The following PTPRM variants were observed in gnomAD, a reference collection of about 807,000 sequenced individuals.
PTPRM encodes the protein receptor-type tyrosine-protein phosphatase mu.
PTPRM carries 47 observed loss-of-function variants against 186.7 expected under a neutral mutation model. The ratio of observed to expected loss-of-function variants is 0.25; its 90% confidence interval spans 0.20 to 0.32. The LOEUF is 0.32. PTPRM is among the 10% of genes least tolerant of loss of function. PTPRM has a pLI of 1.00. For synonymous variants in PTPRM, 668 were observed against 674.9 expected, an observed-to-expected ratio of 0.99 and a Z score of 0.16; for missense variants, 1,494 against 1,865.0, an observed-to-expected ratio of 0.80 and a Z score of 3.66.
At chr18:8,376,640 C>T (rs1277064865) in intron 26 of PTPRM, 43 bp downstream of exon 26, 2 of 1,579,342 alleles carry the variant, frequency 1.3e-6, no homozygotes, top group South Asian at 1.2e-5. Flanking sequence ...GGTCCCTGGG[C>T]TCCCTCCTGC....
intron 1 of PTPRM, among the ~76,000 whole-genome samples, chr18:7,635,967 A>G (rs1347407118): frequency 6.6e-6 from 1 of 152,246 alleles, no homozygotes; most frequent in Non-Finnish European, 1.5e-5. Flanking sequence ...TTTATGTTGT[A>G]AATGACTTAT....
intron 20 of PTPRM, among the ~76,000 whole-genome samples, chr18:8,299,224 A>G (rs2095129396): frequency 6.6e-6 from 1 of 152,166 alleles, no homozygotes; most frequent in Non-Finnish European, 1.5e-5. Context: ...GTTGCTCGTC[A>G]CAGCTGGACA....
intron 2 of PTPRM, among the ~76,000 whole-genome samples, chr18:7,835,427 A>C (rs1273352386): frequency 6.6e-6 from 1 of 151,702 alleles, no homozygotes; most frequent in Non-Finnish European, 1.5e-5. Context: ...TTTTTATCCC[A>C]TTGTGGTCAG....
chr18:8,247,262 A>G (rs1415999932), intron 15 of PTPRM, among the ~76,000 whole-genome samples: 1 of 152,224 alleles, frequency 6.6e-6, no homozygotes, highest in Admixed American at 6.5e-5. Context: ...GAGGAAGAGA[A>G]GGTGCAATAA....
chr18:8,012,800 C>CTGTCTCTTAGCAAAAGGGATCATAAT (rs1234423747), intron 7 of PTPRM, among the ~76,000 whole-genome samples: 1 of 152,172 alleles, frequency 6.6e-6, no homozygotes, highest in Non-Finnish European at 1.5e-5. Flanking sequence ...CTTTGAAATG[C>CTGTCTCTTAGCAAAAGGGATCATAAT]TGTCTCTTAG....
At chr18:7,600,265 G>T (rs1456471458) in intron 1 of PTPRM, among the ~76,000 whole-genome samples, 1 of 152,224 alleles carries the variant, frequency 6.6e-6, no homozygotes, top group Non-Finnish European at 1.5e-5. Context: ...ATCCGGGGCT[G>T]AGAACAGTGA....
chr18:8,140,090 G>A (rs1014501204), intron 13 of PTPRM, among the ~76,000 whole-genome samples: 4 of 152,086 alleles, frequency 2.6e-5, no homozygotes, highest in African/African-American at 7.2e-5. Context: ...CTGTCCCTGC[G>A]GCTCTTCCTA....
At position 8,383,183 on chromosome 18, in the gene PTPRM, T is replaced by A. The variant is rs190374040; in HGVS notation, c.3919-1378T>A. Among the ~76,000 whole-genome samples the A allele has an allele frequency of 7.7e-3, 1,157 of 150,552 alleles. 11 individuals carry two copies. The highest frequency in any genetic ancestry group is 0.027 in the African/African-American group (1,098 of 40,986). ...CGTGGTGGCGCATGCCTGTAGTCCC[T>A]ACTACTCAGGAGGCCAAGGCAAAAG... On this transcript the variant is annotated intron_variant, in intron 29 of 32. Transcript: ENST00000580170.
intron 7 of PTPRM, among the ~76,000 whole-genome samples, chr18:8,054,719 A>T (rs2148298973): frequency 6.6e-6 from 1 of 152,140 alleles, no homozygotes; most frequent in East Asian, 1.9e-4. Context: ...TACAAACATA[A>T]GTTTTTATGT....
chr18:7,752,571 A>G (rs1598510561), intron 1 of PTPRM, among the ~76,000 whole-genome samples: 1 of 151,904 alleles, frequency 6.6e-6, no homozygotes, highest in South Asian at 2.1e-4. Context: ...TTACAGGTGC[A>G]TGCCACCATG....
intron 8 of PTPRM, among the ~76,000 whole-genome samples, chr18:8,075,957 A>T (rs2089785969): frequency 6.6e-6 from 1 of 152,118 alleles, no homozygotes; most frequent in African/African-American, 2.4e-5. Flanking sequence ...ATTTATTATT[A>T]TTACAAAAAT....
chr18:8,403,276 T>C (rs1171245167), intron 32 of PTPRM: 8 of 152,228 alleles, frequency 5.3e-5, no homozygotes, highest in African/African-American at 1.9e-4. Flanking sequence ...ATAAGCATTT[T>C]TCTACTAGCG....
intron 19 of PTPRM, among the ~76,000 whole-genome samples, chr18:8,280,430 A>T (rs2094890470): frequency 6.6e-6 from 1 of 151,268 alleles, no homozygotes; most frequent in Non-Finnish European, 1.5e-5. Context: ...GTCACAATTC[A>T]GCCTGTGACA....
At chr18:7,677,363 A>T (rs1391524067) in intron 1 of PTPRM, among the ~76,000 whole-genome samples, 1 of 152,232 alleles carries the variant, frequency 6.6e-6, no homozygotes, top group Non-Finnish European at 1.5e-5. Flanking sequence ...TACTGGTTTA[A>T]CAGCCTTATG....
intron 23 of PTPRM, among the ~76,000 whole-genome samples, chr18:8,351,796 C>T (rs1568807579): frequency 6.6e-6 from 1 of 152,188 alleles, no homozygotes; most frequent in African/African-American, 2.4e-5. Flanking sequence ...CGCCACTACC[C>T]CCAGCACATC....
intron 7 of PTPRM, among the ~76,000 whole-genome samples, chr18:7,976,479 G>A (rs182339833): frequency 2.6e-5 from 4 of 152,334 alleles, no homozygotes; most frequent in Admixed American, 6.5e-5. Flanking sequence ...ATTGTTCGTT[G>A]GTACGATGTG....
intron 2 of PTPRM, among the ~76,000 whole-genome samples, chr18:7,867,859 CAT>C (rs1380984575): frequency 1.3e-5 from 2 of 152,162 alleles, no homozygotes; most frequent in Non-Finnish European, 2.9e-5. Context: ...CTTCTTTTCA[CAT>C]AGTCCTATAT....
rs111647030 is a variant in PTPRM, at chr18:8,219,480, C to T, written c.2301-24578C>T. 9.1e-3 allele frequency among the ~76,000 whole-genome samples: 1,348 copies of T among 148,592 alleles called. 23 individuals are homozygous for T. Among genetic ancestry groups the T allele is most frequent in the African/African-American group, 0.031 (1,279 of 40,688 alleles). On this transcript the variant is annotated intron_variant, in intron 14 of 32. Transcript: ENST00000580170. The stretch of plus-strand genomic sequence containing the variant: ...AGAGTCCATCTCAAAAAAAAAAAAA[C>T]TTATTCTGAGTCAATATGAGTAACC...
At chr18:8,005,006 T>C (rs2084093826) in intron 7 of PTPRM, among the ~76,000 whole-genome samples, 1 of 152,202 alleles carries the variant, frequency 6.6e-6, no homozygotes, top group African/African-American at 2.4e-5. Flanking sequence ...ACTCCAGCTG[T>C]CTGGTTATGT....
Sources: gnomAD v4.1 joint callset for allele counts (sites outside exome capture counted in the v4.1 genomes callset) on GRCh38, gnomAD v4.1.1 for gene constraint, MANE v1.5 for transcripts, NCBI Gene and HGNC (gene_info 2026-07-23, HGNC 2026-07-21) for gene names.